Variants in HPSE2 observed in about 807,000 individuals in gnomAD.
The protein encoded by HPSE2 is inactive heparanase-2.
In HPSE2, 38 loss-of-function variants were observed where a neutral mutation model predicts 60.5. That is an observed-to-expected ratio of 0.63 (90% CI 0.48 to 0.82). The LOEUF (loss-of-function observed/expected upper bound fraction) is 0.82. Ranked by LOEUF, HPSE2 falls within the 40% of genes least tolerant of loss-of-function variation. The pLI is 0.00. For synonymous variants in HPSE2, 295 were observed against 293.2 expected, an observed-to-expected ratio of 1.01 and a Z score of -0.06; for missense variants, 713 against 740.4, an observed-to-expected ratio of 0.96 and a Z score of 0.43.
At chr10:98,757,467 A>G (rs1949904569) in intron 3 of HPSE2, among the ~76,000 whole-genome samples, 1 of 152,184 alleles carries the variant, frequency 6.6e-6, no homozygotes, top group African/African-American at 2.4e-5. Flanking sequence ...TGGAATGGAT[A>G]AACAACTTCA....
chr10:99,073,715 A>G (rs1180833001), intron 3 of HPSE2, among the ~76,000 whole-genome samples: 1 of 152,192 alleles, frequency 6.6e-6, no homozygotes, highest in Non-Finnish European at 1.5e-5. Flanking sequence ...TATGTGTGTC[A>G]AATTTGTGCA....
At chr10:98,942,369 C>T (rs1955035090) in intron 3 of HPSE2, among the ~76,000 whole-genome samples, 1 of 143,880 alleles carries the variant, frequency 7.0e-6, no homozygotes, top group African/African-American at 2.8e-5. Flanking sequence ...ACAATGAACT[C>T]AAACAAATTT....
intron 3 of HPSE2, among the ~76,000 whole-genome samples, chr10:99,025,060 A>C (rs2135435183): frequency 6.6e-6 from 1 of 152,328 alleles, no homozygotes; most frequent in Admixed American, 6.5e-5. Context: ...AACTCCTCTT[A>C]TCCTAAGTAG....
At chr10:99,241,395 C>T in the HPSE2 span, among the ~76,000 whole-genome samples, 2 of 152,182 alleles carry the variant, frequency 1.3e-5, no homozygotes, top group Non-Finnish European at 2.9e-5. Flanking sequence ...ATCTGTCAAA[C>T]TGATATAATA....
intron 9 of HPSE2, among the ~76,000 whole-genome samples, chr10:98,512,577 T>A (rs938899175): frequency 1.7e-5 from 2 of 116,750 alleles, no homozygotes; most frequent in East Asian, 4.8e-4. Context: ...AGAGTGAGAC[T>A]GCGTCTCAAA....
intron 3 of HPSE2, among the ~76,000 whole-genome samples, chr10:98,891,368 AT>A (rs1244833904): frequency 2.0e-5 from 3 of 152,194 alleles, no homozygotes; most frequent in African/African-American, 7.2e-5. Context: ...GATGTGGAAC[AT>A]TTATTTCTAA....
intron 5 of HPSE2, among the ~76,000 whole-genome samples, chr10:98,697,676 C>G (rs1342114925): frequency 6.6e-6 from 1 of 152,086 alleles, no homozygotes; most frequent in African/African-American, 2.4e-5. Context: ...AGATAATCTA[C>G]AAGAAGATCA....
intron 3 of HPSE2, among the ~76,000 whole-genome samples, chr10:98,855,156 C>T (rs777448895): frequency 2.0e-4 from 30 of 152,188 alleles, no homozygotes; most frequent in African/African-American, 6.3e-4. Flanking sequence ...AAGCACCATA[C>T]AAGCTGGTAA....
chr10:99,119,282 T>C (rs1270903987), intron 3 of HPSE2, among the ~76,000 whole-genome samples: 1 of 152,106 alleles, frequency 6.6e-6, no homozygotes, highest in African/African-American at 2.4e-5. Context: ...CAAAAATCAC[T>C]AGCATTGCTA....
At chr10:98,988,278 T>C (rs1329070989) in intron 3 of HPSE2, among the ~76,000 whole-genome samples, 3 of 152,300 alleles carry the variant, frequency 2.0e-5, no homozygotes, top group Non-Finnish European at 4.4e-5. Context: ...AACAGCATGC[T>C]ACTGGTACCA....
At chr10:99,263,691 C>T in the HPSE2 span, among the ~76,000 whole-genome samples, 2 of 152,008 alleles carry the variant, frequency 1.3e-5, no homozygotes, top group Non-Finnish European at 1.5e-5. Flanking sequence ...AAGTTTCCAC[C>T]TATCAATCCC....
intron 3 of HPSE2, among the ~76,000 whole-genome samples, chr10:98,836,778 C>T (rs1244494589): frequency 1.3e-5 from 2 of 152,226 alleles, no homozygotes; most frequent in Non-Finnish European, 2.9e-5. Flanking sequence ...CAGTGGCTCA[C>T]ACCTGTAATC....
intron 9 of HPSE2, among the ~76,000 whole-genome samples, chr10:98,541,250 T>G (rs1018412171): frequency 4.6e-5 from 7 of 152,188 alleles, no homozygotes; most frequent in African/African-American, 1.7e-4. Flanking sequence ...ATGTACTGCA[T>G]AAGACAAATT....
chr10:99,086,145 T>C (rs913462217), intron 3 of HPSE2, among the ~76,000 whole-genome samples: 1 of 152,128 alleles, frequency 6.6e-6, no homozygotes, highest in Non-Finnish European at 1.5e-5. Context: ...CTATATATAG[T>C]ATAGTATGTC....
intron 7 of HPSE2, among the ~76,000 whole-genome samples, chr10:98,630,259 G>A (rs997706204): frequency 6.7e-6 from 1 of 149,050 alleles, no homozygotes; most frequent in African/African-American, 2.5e-5. Context: ...GTGCAGTGGC[G>A]CCATCTTGGC....
chr10:98,828,870 C>T (rs923131136), intron 3 of HPSE2, among the ~76,000 whole-genome samples: 8 of 151,936 alleles, frequency 5.3e-5, no homozygotes, highest in African/African-American at 1.9e-4. Context: ...ACCAAAAGAA[C>T]TGAAAGCAGG....
intron 9 of HPSE2, among the ~76,000 whole-genome samples, chr10:98,500,184 A>G (rs1941984685): frequency 6.6e-6 from 1 of 152,214 alleles, no homozygotes; most frequent in South Asian, 2.1e-4. Flanking sequence ...CTTAACAGAT[A>G]TATATAGAAC....
At chr10:98,535,834 C>T (rs1020671260) in intron 9 of HPSE2, among the ~76,000 whole-genome samples, 12 of 152,142 alleles carry the variant, frequency 7.9e-5, no homozygotes, top group African/African-American at 2.9e-4. Flanking sequence ...CACTGGGCTC[C>T]GTGCCTGCCA....
intron 3 of HPSE2, among the ~76,000 whole-genome samples, chr10:98,977,185 T>G (rs1956105467): frequency 6.6e-6 from 1 of 152,222 alleles, no homozygotes; most frequent in Non-Finnish European, 1.5e-5. Flanking sequence ...ATTTGCTATC[T>G]GTGATAGACT....
Sources: gnomAD v4.1 joint callset for allele counts (sites outside exome capture counted in the v4.1 genomes callset) on GRCh38, gnomAD v4.1.1 for gene constraint, MANE v1.5 for transcripts, NCBI Gene and HGNC (gene_info 2026-07-23, HGNC 2026-07-21) for gene names.